IMMP2L: variants seen among roughly 807,000 people sequenced by gnomAD.
IMMP2L encodes the protein inner mitochondrial membrane peptidase subunit 2, also known as mitochondrial inner membrane protease subunit 2.
Under a neutral mutation model 19.3 loss-of-function variants are expected in IMMP2L, and 18 were observed. The observed-to-expected ratio is 0.93, with a 90% confidence interval of 0.64 to 1.38. The LOEUF (loss-of-function observed/expected upper bound fraction) is 1.38. Among genes scored for constraint, IMMP2L ranks in the 40% most tolerant of loss-of-function variants. The pLI is 0.00. For missense variants in IMMP2L, 233 were observed against 218.2 expected, an observed-to-expected ratio of 1.07 and a Z score of -0.43; for synonymous variants, 76 against 73.0, an observed-to-expected ratio of 1.04 and a Z score of -0.21.
intron 5 of IMMP2L, among the ~76,000 whole-genome samples, chr7:110,841,343 G>A (rs1287029321): frequency 1.3e-5 from 2 of 151,890 alleles, no homozygotes; most frequent in African/African-American, 2.4e-5. Context: ...TTAATATGAT[G>A]AGATGGATAT....
intron 3 of IMMP2L, among the ~76,000 whole-genome samples, chr7:111,258,002 A>C (rs1201604476): frequency 1.3e-5 from 2 of 151,832 alleles, no homozygotes; most frequent in South Asian, 2.1e-4. Context: ...TCATTGTTCA[A>C]CTCCACTTAT....
At chr7:111,531,362 C>T (rs948679780) in intron 1 of IMMP2L, among the ~76,000 whole-genome samples, 2 of 151,676 alleles carry the variant, frequency 1.3e-5, no homozygotes, top group African/African-American at 4.8e-5. Context: ...AAGCAAAATC[C>T]TTTAACAATA....
At chr7:111,221,821 GT>G (rs751902927) in intron 3 of IMMP2L, among the ~76,000 whole-genome samples, 34 of 151,858 alleles carry the variant, frequency 2.2e-4, no homozygotes, top group Non-Finnish European at 4.0e-4. Flanking sequence ...ATAGTACAAG[GT>G]AGAAAAACGT....
chr7:111,124,757 T>C, intron 3 of IMMP2L: 1 of 1,613,834 alleles, frequency 6.2e-7, no homozygotes, highest in Non-Finnish European at 8.5e-7. Flanking sequence ...CACAGCTATG[T>C]GAGGAATTAC....
intron 3 of IMMP2L, among the ~76,000 whole-genome samples, chr7:111,148,664 GATTT>G (rs1189157492): frequency 6.6e-6 from 1 of 151,902 alleles, no homozygotes; most frequent in African/African-American, 2.4e-5. Flanking sequence ...ACACTTCACA[GATTT>G]ATTTGCTTCT....
intron 3 of IMMP2L, among the ~76,000 whole-genome samples, chr7:111,001,221 A>G (rs2129561303): frequency 6.6e-6 from 1 of 152,292 alleles, no homozygotes; most frequent in South Asian, 2.1e-4. Context: ...GTCTGTTGTT[A>G]TTGTACTTTT....
chr7:111,528,009 C>G lies in IMMP2L; in HGVS notation c.-2-6560G>C, dbSNP rs1847042470. ...TGAATTGTGAGGGGCACCTATATTT[C>G]ATAATAATAAAACACTGTTAAAAGC... On this transcript the variant is annotated intron_variant, in intron 1 of 5. Transcript: ENST00000405709. 2.0e-5 allele frequency among the ~76,000 whole-genome samples: 3 copies of G among 152,252 alleles called. No individual in the cohort carries two copies. The South Asian group carries it at 6.2e-4, about 32-fold the overall frequency.
chr7:111,154,879 T>C (rs150804362), intron 3 of IMMP2L, among the ~76,000 whole-genome samples: 12 of 152,180 alleles, frequency 7.9e-5, no homozygotes, highest in Non-Finnish European at 1.8e-4. Context: ...TGCATCAGCC[T>C]CCCAACTAGC....
At chr7:110,935,273 T>C (rs1299621445) in intron 4 of IMMP2L, among the ~76,000 whole-genome samples, 1 of 152,148 alleles carries the variant, frequency 6.6e-6, no homozygotes, top group Non-Finnish European at 1.5e-5. Context: ...TTTGGGTGAA[T>C]ATGAAATTTT....
At chr7:111,419,555 A>C (rs548709191) in intron 3 of IMMP2L, among the ~76,000 whole-genome samples, 1 of 151,880 alleles carries the variant, frequency 6.6e-6, no homozygotes, top group South Asian at 2.1e-4. Flanking sequence ...ACTCAAAAGA[A>C]GGCAATCATT....
chr7:110,814,608 T>C (rs1291172664), intron 5 of IMMP2L, among the ~76,000 whole-genome samples: 1 of 150,354 alleles, frequency 6.7e-6, no homozygotes. Context: ...TCTTTTTTTC[T>C]TCTATTTCTT....
chr7:110,926,450 A>G (rs935195712), intron 4 of IMMP2L, among the ~76,000 whole-genome samples: 2 of 152,162 alleles, frequency 1.3e-5, no homozygotes, highest in African/African-American at 2.4e-5. Flanking sequence ...AAAAGCCTAC[A>G]GATCTGCCCT....
chr7:111,010,926 C>A (rs1384769349), intron 3 of IMMP2L, among the ~76,000 whole-genome samples: 1 of 143,260 alleles, frequency 7.0e-6, no homozygotes, highest in African/African-American at 2.5e-5. Context: ...CTTAATGAGG[C>A]CATCAGAGCT....
At chr7:111,395,482 A>G (rs912799618) in intron 3 of IMMP2L, among the ~76,000 whole-genome samples, 2 of 152,188 alleles carry the variant, frequency 1.3e-5, no homozygotes, top group Non-Finnish European at 2.9e-5. Flanking sequence ...TTGTAAATGA[A>G]TGTGCTAGTA....
intron 3 of IMMP2L, among the ~76,000 whole-genome samples, chr7:111,080,189 T>C (rs907519049): frequency 2.6e-5 from 4 of 152,320 alleles, no homozygotes; most frequent in Admixed American, 2.6e-4. Context: ...AATGTAGGAC[T>C]GTTACAGTGG....
chr7:110,880,634 G>A lies in IMMP2L; in HGVS notation c.408+5959C>T, dbSNP rs1161853991. Among the ~76,000 whole-genome samples, 4 of 151,852 alleles carry A rather than the reference G, an allele frequency of 2.6e-5. No individual in the cohort carries two copies. The South Asian group carries it at 8.3e-4, about 32-fold the overall frequency. On this transcript the variant is annotated intron_variant, in intron 5 of 5. Coordinates refer to ENST00000405709, the MANE Select transcript of IMMP2L (RefSeq NM_032549.4). ...CATTTTATTTTTCTATGTACACTCA[G>A]TTATGTAGGCACCAATTACATCTTA...
intron 3 of IMMP2L, among the ~76,000 whole-genome samples, chr7:111,101,833 G>T (rs1433751159): frequency 1.3e-5 from 2 of 151,180 alleles, no homozygotes. Flanking sequence ...TATCTCTACT[G>T]CCCCCAATCT....
intron 3 of IMMP2L, chr7:111,391,917 T>C: frequency 1.4e-6 from 1 of 702,920 alleles, no homozygotes; most frequent in Non-Finnish European, 2.6e-6. Context: ...CTGCCCGCCT[T>C]GTCCTTGACC....
chr7:110,789,623 T>C (rs1800326306), intron 5 of IMMP2L, among the ~76,000 whole-genome samples: 1 of 151,672 alleles, frequency 6.6e-6, no homozygotes, highest in Non-Finnish European at 1.5e-5. Context: ...CTCAAAACTG[T>C]CCAATGGCTT....
Sources: allele counts gnomAD v4.1 joint callset (sites outside exome capture counted in the v4.1 genomes callset), GRCh38; gene constraint gnomAD v4.1.1; transcripts MANE v1.5; gene names NCBI Gene and HGNC (gene_info 2026-07-23, HGNC 2026-07-21).